Variants in SLC4A4 observed in about 807,000 individuals in gnomAD.
SLC4A4 encodes the protein solute carrier family 4 member 4.
SLC4A4 carries 27 observed loss-of-function variants against 111.5 expected under a neutral mutation model. The observed-to-expected ratio is 0.24, with a 90% CI of 0.18 to 0.33. The LOEUF is 0.33. Among genes scored for constraint, SLC4A4 ranks in the 10% least tolerant of loss-of-function variants. SLC4A4 has a pLI of 1.00. For synonymous variants in SLC4A4, 443 were observed against 463.4 expected (o/e 0.96, Z 0.57); for missense variants, 909 against 1,315.5 (o/e 0.69, Z 4.78).
Position 71,466,966 on chromosome 4 carries a change from GGAGAGAGA to G in SLC4A4, c.1631+395_1631+402del, listed in dbSNP as rs796419967. On this transcript the variant is annotated intron_variant, in intron 13 of 25. Coordinates refer to ENST00000264485, the MANE Select transcript of SLC4A4 (RefSeq NM_001098484.3). ...GAGAGAGAGAGAGAGAGAGAGAGAG[GGAGAGAGA>G]GAGAGGTCTGAGTATGTCTGCCTTT... 3.7e-3 allele frequency among the ~76,000 whole-genome samples: 325 copies of G among 88,472 alleles called. 3 individuals carry two copies. The East Asian group carries it at 0.055, about 15-fold the overall frequency. The allele number at this position is 88,472 out of a possible 152,430, so 58.0% of individuals were successfully genotyped here.
At chr4:71,108,157 T>C (rs1271122361) in intron 2 of SLC4A4, among the ~76,000 whole-genome samples, 1 of 152,196 alleles carries the variant, frequency 6.6e-6, no homozygotes, top group African/African-American at 2.4e-5. Flanking sequence ...TAAAAATGAA[T>C]CTCCTAAATT....
chr4:71,164,048 C>T (rs568290308), intron 2 of SLC4A4, among the ~76,000 whole-genome samples: 1 of 152,170 alleles, frequency 6.6e-6, no homozygotes, highest in South Asian at 2.1e-4. Flanking sequence ...GAGTTTGAGA[C>T]CAGCCTGGCC....
At chr4:71,405,907 A>G (rs183103463) in intron 7 of SLC4A4, among the ~76,000 whole-genome samples, 2 of 151,774 alleles carry the variant, frequency 1.3e-5, no homozygotes, top group Non-Finnish European at 2.9e-5. Flanking sequence ...CTGGCTAATC[A>G]CTTGTATTCT....
chr4:71,561,043 A>G (rs1736935686), intron 23 of SLC4A4, among the ~76,000 whole-genome samples: 1 of 151,756 alleles, frequency 6.6e-6, no homozygotes, highest in Non-Finnish European at 1.5e-5. Context: ...AGCCTTTTGA[A>G]AAGATTGCCA....
At chr4:71,084,575 C>T (rs1287184785) in intron 1 of SLC4A4, among the ~76,000 whole-genome samples, 1 of 151,864 alleles carries the variant, frequency 6.6e-6, no homozygotes, top group African/African-American at 2.4e-5. Context: ...GCACAACAGG[C>T]CCCGGTGTGT....
rs187150523 is a variant in SLC4A4, at chr4:71,244,570, G to T, written c.73+7921G>T. On this transcript the variant is annotated intron_variant, in intron 2 of 25. Coordinates refer to ENST00000264485, the MANE Select transcript of SLC4A4 (RefSeq NM_001098484.3). Reference sequence around the variant, plus strand: ...AATTTGAAATCCCCCAGGATTAACCGCATAAATTTAAGGTATTATCTCCCT... The same window carrying T: ...AATTTGAAATCCCCCAGGATTAACCTCATAAATTTAAGGTATTATCTCCCT... 3.3e-5 allele frequency among the ~76,000 whole-genome samples: 5 copies of T among 152,138 alleles called. No individual in the cohort carries two copies. The East Asian group carries it at 9.7e-4, about 29-fold the overall frequency.
At chr4:71,458,635 A>G (rs892036520) in intron 12 of SLC4A4, among the ~76,000 whole-genome samples, 1 of 152,012 alleles carries the variant, frequency 6.6e-6, no homozygotes, top group African/African-American at 2.4e-5. Context: ...TCCAAATTTG[A>G]GACTTTATTT....
rs1002101855 is a variant in SLC4A4 at position 71,459,402 on chromosome 4, T to C, written c.1497+5733T>C. Among the ~76,000 whole-genome samples, 6 of 152,044 alleles carry C rather than the reference T, an allele frequency of 3.9e-5. No homozygotes were observed. The East Asian group carries it at 1.2e-3, about 29-fold the overall frequency. ...CAACCAGAATTGATCATTATTAACA[T>C]TGTCATGAACACTTTCCCATACATC... On this transcript the variant is annotated intron_variant, in intron 12 of 25. Coordinates refer to ENST00000264485, the MANE Select transcript of SLC4A4 (RefSeq NM_001098484.3).
At chr4:71,441,533 G>C (rs967333506) in intron 8 of SLC4A4, among the ~76,000 whole-genome samples, 1 of 152,084 alleles carries the variant, frequency 6.6e-6, no homozygotes, top group Non-Finnish European at 1.5e-5. Flanking sequence ...GGGTGGGGGA[G>C]TTGTTTTCTG....
At chr4:71,424,888 C>A (rs1193541653) in intron 7 of SLC4A4, among the ~76,000 whole-genome samples, 1 of 151,710 alleles carries the variant, frequency 6.6e-6, no homozygotes, top group Non-Finnish European at 1.5e-5. Flanking sequence ...ATACCTAATG[C>A]TAGATGACGA....
rs1377053957 is a variant in SLC4A4 at position 71,564,997 on chromosome 4, T to G, written c.3196+1108T>G. ...TGTCAAGCTGTCAGCTGGGGCTGAGTCTCTGAAGACTATTTTTTTTTTTTC... is the reference window on the plus strand; with the variant it reads ...TGTCAAGCTGTCAGCTGGGGCTGAGGCTCTGAAGACTATTTTTTTTTTTTC... On this transcript the variant is annotated intron_variant, in intron 24 of 25. Transcript: ENST00000264485. 2.6e-5 allele frequency among the ~76,000 whole-genome samples: 4 copies of G among 151,426 alleles called. No individual in the cohort carries two copies. The East Asian group carries it at 7.8e-4, about 30-fold the overall frequency.
At chr4:71,526,280 T>C (rs1337203779) in intron 16 of SLC4A4, among the ~76,000 whole-genome samples, 1 of 152,016 alleles carries the variant, frequency 6.6e-6, no homozygotes, top group Non-Finnish European at 1.5e-5. Context: ...ATAAACACTC[T>C]CCAGGAGTGA....
rs79447534 is a variant in SLC4A4 at position 71,191,659 on chromosome 4, A to C, written c.-2+4258A>C. On this transcript the variant is annotated intron_variant, in intron 1 of 25. Transcript: ENST00000264485. ...TGCCCACTTGCCGCAACTTTATTTC[A>C]GTTTCTGCAATCCAGGGAGTATTTC... Among the ~76,000 whole-genome samples the C allele has an allele frequency of 1.2e-4, 18 of 152,288 alleles. 1 individual carries two copies. In the East Asian group the frequency reaches 3.5e-3, roughly 29 times the overall value.
At chr4:71,481,791 T>C (rs1728906887) in intron 14 of SLC4A4, among the ~76,000 whole-genome samples, 1 of 151,688 alleles carries the variant, frequency 6.6e-6, no homozygotes, top group Non-Finnish European at 1.5e-5. Context: ...TAAAATCTGA[T>C]ACATGGGAAG....
chr4:71,324,757 G>T (rs1418838823), intron 3 of SLC4A4, among the ~76,000 whole-genome samples: 1 of 151,990 alleles, frequency 6.6e-6, no homozygotes, highest in Non-Finnish European at 1.5e-5. Context: ...ACCCCAGGTA[G>T]ATTATTTTTC....
intron 3 of SLC4A4, among the ~76,000 whole-genome samples, chr4:71,261,837 G>C (rs1373174351): frequency 6.6e-6 from 1 of 152,170 alleles, no homozygotes; most frequent in Non-Finnish European, 1.5e-5. Flanking sequence ...AGTTGATGTT[G>C]TTGCTATTTA....
chr4:71,540,673 C>A (rs985196728), intron 18 of SLC4A4, among the ~76,000 whole-genome samples: 2 of 152,096 alleles, frequency 1.3e-5, no homozygotes, highest in Non-Finnish European at 2.9e-5. Flanking sequence ...TATTACAACA[C>A]CAAGGTTGGA....
At chr4:71,144,064 G>T (rs1744091125) in intron 2 of SLC4A4, among the ~76,000 whole-genome samples, 1 of 152,116 alleles carries the variant, frequency 6.6e-6, no homozygotes, top group Non-Finnish European at 1.5e-5. Context: ...TTCTTCCAGG[G>T]TTTTTATGGT....
At chr4:71,077,038 G>A (rs1741852387) in intron 1 of SLC4A4, among the ~76,000 whole-genome samples, 1 of 148,246 alleles carries the variant, frequency 6.7e-6, no homozygotes, top group Non-Finnish European at 1.5e-5. Flanking sequence ...ATACATATAT[G>A]TAAAAATACA....
Sources: allele counts gnomAD v4.1 joint callset (sites outside exome capture counted in the v4.1 genomes callset), GRCh38; gene constraint gnomAD v4.1.1; transcripts MANE v1.5; gene names NCBI Gene and HGNC (gene_info 2026-07-23, HGNC 2026-07-21).